Variants in CNTN4 observed in about 807,000 individuals in gnomAD.
CNTN4 encodes the protein contactin 4.
In CNTN4, 77 loss-of-function variants were observed where a neutral mutation model predicts 122.5. That is an observed-to-expected ratio of 0.63 (90% CI 0.52 to 0.76). CNTN4 has a LOEUF of 0.76. Ranked by LOEUF, CNTN4 falls within the 30% of genes least tolerant of loss-of-function variation. The probability of loss-of-function intolerance (pLI) is 0.00; values close to 1 mark genes in which losing one functional copy is unlikely to be tolerated. For synonymous variants in CNTN4, 512 were observed against 447.0 expected (o/e 1.15, Z -1.83); for missense variants, 1,256 against 1,259.1 (o/e 1.00, Z 0.04).
chr3:2,123,907 C>G (rs2033961907), intron 2 of CNTN4, among the ~76,000 whole-genome samples: 1 of 152,136 alleles, frequency 6.6e-6, no homozygotes, highest in Admixed American at 6.5e-5. Flanking sequence ...TGGTGCATGG[C>G]TAAATTAATT....
chr3:2,975,988 G>A (rs536293690), intron 13 of CNTN4, among the ~76,000 whole-genome samples: 1 of 152,298 alleles, frequency 6.6e-6, no homozygotes, highest in African/African-American at 2.4e-5. Flanking sequence ...TGGAGATCTT[G>A]CATCAATGAA....
At chr3:2,449,862 A>G (rs2048762044) in intron 3 of CNTN4, among the ~76,000 whole-genome samples, 1 of 152,198 alleles carries the variant, frequency 6.6e-6, no homozygotes, top group Non-Finnish European at 1.5e-5. Context: ...CAAATACTAT[A>G]TGATTTCACT....
At chr3:2,440,548 A>C (rs79776028) in intron 3 of CNTN4, among the ~76,000 whole-genome samples, 1 of 151,992 alleles carries the variant, frequency 6.6e-6, no homozygotes, top group Non-Finnish European at 1.5e-5. Context: ...AAAGCTTCCA[A>C]CTGATGTCGT....
intron 7 of CNTN4, among the ~76,000 whole-genome samples, chr3:2,860,051 T>C (rs1375059113): frequency 6.6e-6 from 1 of 152,246 alleles, no homozygotes; most frequent in Non-Finnish European, 1.5e-5. Context: ...AAATAGCATG[T>C]ACTAAAAATA....
chr3:2,975,379 A>C lies in CNTN4; in HGVS notation c.1359-12966A>C, dbSNP rs7641868. Reference sequence around the variant, plus strand: ...AGCCCTGAGCTCAAAACTCCACTCTATTTCTTGTAAATGACATTGACTTTG... The same window carrying C: ...AGCCCTGAGCTCAAAACTCCACTCTCTTTCTTGTAAATGACATTGACTTTG... On this transcript the variant is annotated intron_variant, in intron 13 of 24. Transcript: ENST00000418658. Among the ~76,000 whole-genome samples, 830 of 152,120 alleles carry C rather than the reference A, an allele frequency of 5.5e-3. 6 individuals carry two copies. The highest frequency in any genetic ancestry group is 0.019 in the African/African-American group (785 of 41,494).
intron 4 of CNTN4, among the ~76,000 whole-genome samples, chr3:2,670,349 G>A (rs367624379): frequency 4.6e-5 from 7 of 152,164 alleles, no homozygotes; most frequent in Admixed American, 4.6e-4. Context: ...TTATGTAATG[G>A]CCTTCTTTGT....
At chr3:2,888,288 C>G (rs1393366693) in intron 10 of CNTN4, among the ~76,000 whole-genome samples, 1 of 152,282 alleles carries the variant, frequency 6.6e-6, no homozygotes, top group African/African-American at 2.4e-5. Context: ...TCAGACACAT[C>G]TAGTTATACC....
intron 3 of CNTN4, among the ~76,000 whole-genome samples, chr3:2,449,860 A>G (rs1267034776): frequency 1.3e-5 from 2 of 152,168 alleles, no homozygotes; most frequent in African/African-American, 2.4e-5. Flanking sequence ...TCCAAATACT[A>G]TATGATTTCA....
At chr3:2,314,787 C>A (rs1469578267) in intron 2 of CNTN4, among the ~76,000 whole-genome samples, 2 of 151,678 alleles carry the variant, frequency 1.3e-5, no homozygotes, top group Non-Finnish European at 2.9e-5. Context: ...AAAAAAATTG[C>A]GATATCTCTA....
At chr3:2,216,333 G>C (rs2038840142) in intron 2 of CNTN4, among the ~76,000 whole-genome samples, 1 of 152,156 alleles carries the variant, frequency 6.6e-6, no homozygotes, top group African/African-American at 2.4e-5. Flanking sequence ...GGAGCTAAAT[G>C]ATGAGAACTT....
rs550993579 is a variant in CNTN4 at position 3,033,550 on chromosome 3, T to G, written c.1784-1082T>G. 2.6e-5 allele frequency among the ~76,000 whole-genome samples: 4 copies of G among 152,306 alleles called. No homozygotes were observed. The South Asian group carries it at 8.3e-4, about 32-fold the overall frequency. On this transcript the variant is annotated intron_variant, in intron 16 of 24. Transcript: ENST00000418658. ...CCCTGTGACATGGCCTGATAGTATT[T>G]GGGTAGTACATTTGATTGCTAGACT...
chr3:2,923,461 A>G (rs981495951), intron 12 of CNTN4, among the ~76,000 whole-genome samples: 1 of 152,144 alleles, frequency 6.6e-6, no homozygotes, highest in Non-Finnish European at 1.5e-5. Flanking sequence ...TTGTTCAGGT[A>G]TTTTACTAAG....
At chr3:2,593,770 G>T (rs1355498446) in intron 4 of CNTN4, among the ~76,000 whole-genome samples, 1 of 152,088 alleles carries the variant, frequency 6.6e-6, no homozygotes, top group East Asian at 1.9e-4. Flanking sequence ...ATAGCTAAAA[G>T]TATCTGATAA....
At chr3:2,480,085 T>C (rs768003392) in intron 3 of CNTN4, among the ~76,000 whole-genome samples, 3 of 151,988 alleles carry the variant, frequency 2.0e-5, no homozygotes, top group African/African-American at 7.3e-5. Context: ...TGATAAGAAC[T>C]CTCTGCAAAC....
At chr3:2,954,646 C>T (rs2124905679) in intron 13 of CNTN4, among the ~76,000 whole-genome samples, 1 of 151,710 alleles carries the variant, frequency 6.6e-6, no homozygotes, top group East Asian at 1.9e-4. Context: ...GAAGTCAGAA[C>T]CTTTTAAGCC....
intron 3 of CNTN4, among the ~76,000 whole-genome samples, chr3:2,439,828 G>A (rs1178440911): frequency 2.0e-5 from 3 of 152,070 alleles, no homozygotes; most frequent in African/African-American, 7.2e-5. Flanking sequence ...CAGTGCCCGA[G>A]GCATTCAGCT....
intron 6 of CNTN4, among the ~76,000 whole-genome samples, chr3:2,817,323 A>G (rs568704985): frequency 6.6e-5 from 10 of 152,344 alleles, no homozygotes; most frequent in African/African-American, 1.7e-4. Flanking sequence ...AGACCTGCCC[A>G]TGGTCAACAC....
chr3:2,412,152 T>A (rs1433401853), intron 3 of CNTN4, among the ~76,000 whole-genome samples: 1 of 152,124 alleles, frequency 6.6e-6, no homozygotes, highest in Non-Finnish European at 1.5e-5. Context: ...GTATCAGGAG[T>A]GTGTTCTTTT....
At chr3:2,338,250 G>T (rs553324743) in intron 2 of CNTN4, among the ~76,000 whole-genome samples, 2 of 151,974 alleles carry the variant, frequency 1.3e-5, no homozygotes, top group South Asian at 4.1e-4. Flanking sequence ...AGTAAAGGTA[G>T]TTAGGTATTT....
Sources: allele counts gnomAD v4.1 joint callset (sites outside exome capture counted in the v4.1 genomes callset), GRCh38; gene constraint gnomAD v4.1.1; transcripts MANE v1.5; gene names NCBI Gene and HGNC (gene_info 2026-07-23, HGNC 2026-07-21).